Variants in VCF1 observed in about 807,000 individuals in gnomAD.
VCF1 encodes the protein VCP nuclear cofactor family member 1.
the VCF1 span, among the ~76,000 whole-genome samples, chr17:73,211,257 ACCTGGCCAACATGGCAAAACCCCAG>A: frequency 3.3e-4 from 50 of 151,750 alleles, no homozygotes; most frequent in Non-Finnish European, 5.4e-4. Flanking sequence ...GGAGTTCGAG[ACCTGGCCAACATGGCAAAACCCCAG>A]CCTGGCCAAC....
the VCF1 span, among the ~76,000 whole-genome samples, chr17:73,219,448 G>A: frequency 6.6e-6 from 1 of 151,684 alleles, no homozygotes; most frequent in Non-Finnish European, 1.5e-5. Context: ...AGGAGATTGA[G>A]ACCATCCTGG....
At chr17:73,230,428 T>C in the VCF1 span, among the ~76,000 whole-genome samples, 1 of 152,030 alleles carries the variant, frequency 6.6e-6, no homozygotes, top group African/African-American at 2.4e-5. Flanking sequence ...AGATGGAAGT[T>C]TCGCTCTTGT....
At chr17:73,230,778 T>C in the VCF1 span, among the ~76,000 whole-genome samples, 2 of 152,238 alleles carry the variant, frequency 1.3e-5, no homozygotes, top group African/African-American at 4.8e-5. Context: ...GAAAAGCCTG[T>C]CCAAATCAAA....
the VCF1 span, chr17:73,227,751 G>T: frequency 1.3e-5 from 8 of 630,490 alleles, no homozygotes; most frequent in Non-Finnish European, 1.6e-5. Context: ...GCTTATTCTG[G>T]CAACACTAGC....
At chr17:73,225,882 A>ATATATATATATATATATATATATATAT in the VCF1 span, among the ~76,000 whole-genome samples, 1 of 74,698 alleles carries the variant, frequency 1.3e-5, no homozygotes, top group African/African-American at 5.5e-5. Context: ...ATATATATAT[A>ATATATATATATATATATATATATATAT]ATATATATAT....
the VCF1 span, among the ~76,000 whole-genome samples, chr17:73,212,494 T>G: frequency 2.0e-5 from 2 of 100,374 alleles, no homozygotes; most frequent in African/African-American, 6.8e-5. Flanking sequence ...TGAAGTCAGA[T>G]AGCAGGATTT....
At chr17:73,230,908 A>AT in the VCF1 span, among the ~76,000 whole-genome samples, 5 of 152,096 alleles carry the variant, frequency 3.3e-5, no homozygotes, top group African/African-American at 9.7e-5. Flanking sequence ...AAATATTTAG[A>AT]TTTTTTTTCA....
At chr17:73,217,082 C>T in the VCF1 span, among the ~76,000 whole-genome samples, 1 of 152,070 alleles carries the variant, frequency 6.6e-6, no homozygotes, top group South Asian at 2.1e-4. Context: ...GTAATCTCAA[C>T]ACTTTGGGAG....
the VCF1 span, among the ~76,000 whole-genome samples, chr17:73,230,774 C>T: frequency 2.4e-4 from 37 of 152,336 alleles, no homozygotes; most frequent in East Asian, 1.9e-3. Flanking sequence ...GCAGGAAAAG[C>T]CTGTCCAAAT....
the VCF1 span, among the ~76,000 whole-genome samples, chr17:73,213,241 A>G: frequency 2.0e-5 from 2 of 99,820 alleles, no homozygotes; most frequent in African/African-American, 3.5e-5. Context: ...AGACTGTCTC[A>G]AAAGAAAAAA....
At chr17:73,224,940 C>CACAGCACAGGACAGG in the VCF1 span, among the ~76,000 whole-genome samples, 6 of 107,430 alleles carry the variant, frequency 5.6e-5, no homozygotes, top group Non-Finnish European at 4.1e-5. Flanking sequence ...GACAGCACAG[C>CACAGCACAGGACAGG]ACAGCACAGC....
chr17:73,207,556 G>T, the VCF1 span: 1 of 650,374 alleles, frequency 1.5e-6, no homozygotes, highest in Non-Finnish European at 2.5e-6. Context: ...CTGCCAACCC[G>T]GCACTATCAT....
chr17:73,208,639 T>A, the VCF1 span: 1 of 723,222 alleles, frequency 1.4e-6, no homozygotes, highest in Non-Finnish European at 2.4e-6. Context: ...TCACAATACT[T>A]GTTGCTTTAG....
chr17:73,208,316 TGTCCCCCCGGCACGCTCCACAGCTG>T, the VCF1 span: 1 of 1,613,520 alleles, frequency 6.2e-7, no homozygotes, highest in Non-Finnish European at 8.5e-7. Flanking sequence ...AATGGCAGGT[TGTCCCCCCGGCACGCTCCACAGCTG>T]GTGACCCGAC....
chr17:73,207,780 TCAAA>T, the VCF1 span: 3 of 1,289,010 alleles, frequency 2.3e-6, no homozygotes, highest in African/African-American at 4.6e-5. Context: ...GTTTGAAAGC[TCAAA>T]CAGCTTGTCT....
chr17:73,225,047 C>T, the VCF1 span, among the ~76,000 whole-genome samples: 1 of 152,224 alleles, frequency 6.6e-6, no homozygotes, highest in East Asian at 1.9e-4. Context: ...CAGGACGGCA[C>T]AGCAGGCTAT....
At chr17:73,207,517 T>C in the VCF1 span, 1 of 598,242 alleles carries the variant, frequency 1.7e-6, no homozygotes, top group South Asian at 1.8e-5. Flanking sequence ...GGAGATGAGC[T>C]CTTGAATTTA....
the VCF1 span, among the ~76,000 whole-genome samples, chr17:73,231,391 G>A: frequency 6.6e-6 from 1 of 152,132 alleles, no homozygotes; most frequent in Non-Finnish European, 1.5e-5. Flanking sequence ...GTCAAGCACA[G>A]AACCCCTAAT....
the VCF1 span, chr17:73,227,359 C>A: frequency 3.7e-6 from 4 of 1,071,168 alleles, no homozygotes; most frequent in South Asian, 1.8e-5. Flanking sequence ...TAAATTTGCC[C>A]TCTGGCCTGA....
Sources: allele counts gnomAD v4.1 joint callset (sites outside exome capture counted in the v4.1 genomes callset), GRCh38; gene constraint gnomAD v4.1.1; transcripts MANE v1.5; gene names NCBI Gene and HGNC (gene_info 2026-07-23, HGNC 2026-07-21).